The following RB1CC1 variants were observed in gnomAD, a reference collection of about 807,000 sequenced individuals.
RB1CC1 encodes RB1 inducible coiled-coil 1.
Under a neutral mutation model 177.5 loss-of-function variants are expected in RB1CC1, and 46 were observed. The observed-to-expected ratio is 0.26, with a 90% confidence interval of 0.20 to 0.33. The LOEUF (loss-of-function observed/expected upper bound fraction) is 0.33. RB1CC1 is among the 10% of genes least tolerant of loss of function. RB1CC1 has a pLI of 1.00. For missense variants in RB1CC1, 1,703 were observed against 1,816.3 expected, an observed-to-expected ratio of 0.94 and a Z score of 1.13; for synonymous variants, 666 against 613.6, an observed-to-expected ratio of 1.09 and a Z score of -1.26.
At chr8:52,713,771 C>G (rs1176070307) in intron 1 of RB1CC1, among the ~76,000 whole-genome samples, 1 of 152,254 alleles carries the variant, frequency 6.6e-6, no homozygotes, top group Non-Finnish European at 1.5e-5. Context: ...TCCCAAGGCT[C>G]CGGCCGAGGA....
At chr8:52,624,841 T>C (rs1848269284) in intron 22 of RB1CC1, 54 bp from the exon 23 acceptor site, 2 of 1,273,772 alleles carry the variant, frequency 1.6e-6, no homozygotes, top group Non-Finnish European at 2.1e-6. Context: ...TAATTATTCA[T>C]GGAAACATAA....
chr8:52,680,076 C>A (rs940260780), intron 5 of RB1CC1, among the ~76,000 whole-genome samples: 2 of 151,958 alleles, frequency 1.3e-5, no homozygotes, highest in Non-Finnish European at 2.9e-5. Context: ...AGGAATAATT[C>A]TATTCATTCA....
At chr8:52,695,955 A>C (rs912390176) in intron 1 of RB1CC1, among the ~76,000 whole-genome samples, 2 of 152,198 alleles carry the variant, frequency 1.3e-5, no homozygotes, top group African/African-American at 4.8e-5. Context: ...GGCACCGCCA[A>C]ACTTGCCACT....
intron 1 of RB1CC1, among the ~76,000 whole-genome samples, chr8:52,703,406 T>G (rs940180921): frequency 6.6e-6 from 1 of 152,190 alleles, no homozygotes; most frequent in African/African-American, 2.4e-5. Context: ...TAACTTCTAC[T>G]CAAGTATAAA....
intron 8 of RB1CC1, among the ~76,000 whole-genome samples, chr8:52,665,060 A>C (rs1444450726): frequency 1.3e-5 from 2 of 152,174 alleles, no homozygotes; most frequent in East Asian, 3.8e-4. Context: ...CAATCTGAGA[A>C]ACAGTTATAA....
intron 8 of RB1CC1, 116 bp downstream of exon 8, chr8:52,667,904 TA>T: frequency 3.0e-6 from 3 of 1,007,812 alleles, no homozygotes; most frequent in Non-Finnish European, 4.2e-6. Context: ...ATTAATACAT[TA>T]AAAATATTCA....
Position 52,657,580 on chromosome 8 carries a change from G to T in RB1CC1, c.2249C>A (p.Pro750His). Reference sequence around the variant, plus strand: ...TTCTGGGCTTTGTGGATCACTTATAGGATTAGGAGACGACAAATTTTCTTC... The same window carrying T: ...TTCTGGGCTTTGTGGATCACTTATATGATTAGGAGACGACAAATTTTCTTC... The part of the protein sequence containing the change: ...VIEENLSSPN[P>H]ISDPQSPEMM... Residue 750 changes from proline (P) to histidine (H), a missense_variant, in exon 15 of 24, where the codon CCT becomes CAT. Physicochemically the swap from Pro to His is moderately conservative, Grantham distance 77. Transcript: ENST00000025008. 4 of 1,614,006 alleles carry T rather than the reference G, an allele frequency of 2.5e-6. No homozygotes were observed. The highest frequency in any genetic ancestry group is 3.4e-6 in the Non-Finnish European group (4 of 1,180,016).
intron 1 of RB1CC1, among the ~76,000 whole-genome samples, chr8:52,713,186 G>A (rs1857199178): frequency 1.3e-5 from 2 of 152,170 alleles, no homozygotes; most frequent in Non-Finnish European, 2.9e-5. Context: ...ATTCCCATCT[G>A]GCTGAATGTC....
chr8:52,663,339 G>A (rs973724491), intron 8 of RB1CC1, among the ~76,000 whole-genome samples: 2 of 151,534 alleles, frequency 1.3e-5, no homozygotes, highest in East Asian at 1.9e-4. Context: ...CAGCTTCATA[G>A]GTTTGGTGAG....
intron 9 of RB1CC1, 113 bp from the exon 10 acceptor site, chr8:52,661,394 C>T (rs888707373): frequency 4.8e-6 from 7 of 1,465,966 alleles, no homozygotes; most frequent in Non-Finnish European, 5.5e-6. Flanking sequence ...TATATAAGCT[C>T]TACAAAAATA....
chr8:52,643,851 T>A (rs1436806936), intron 16 of RB1CC1, among the ~76,000 whole-genome samples: 1 of 152,020 alleles, frequency 6.6e-6, no homozygotes, highest in Non-Finnish European at 1.5e-5. Flanking sequence ...GGTCCTTGGA[T>A]CAATGAATAA....
At chr8:52,629,388 G>A (rs1391435659) in intron 21 of RB1CC1, among the ~76,000 whole-genome samples, 1 of 152,008 alleles carries the variant, frequency 6.6e-6, no homozygotes, top group African/African-American at 2.4e-5. Context: ...TTAACTATGG[G>A]GTAATACAGT....
intron 1 of RB1CC1, among the ~76,000 whole-genome samples, chr8:52,713,405 G>T (rs1563489355): frequency 1.3e-5 from 2 of 152,230 alleles, no homozygotes; most frequent in African/African-American, 4.8e-5. Context: ...TTCTACTGTT[G>T]GTTAATGTAT....
chr8:52,707,949 T>TG (rs1311994370), intron 1 of RB1CC1, among the ~76,000 whole-genome samples: 1 of 152,176 alleles, frequency 6.6e-6, no homozygotes, highest in Non-Finnish European at 1.5e-5. Flanking sequence ...ATCTATAAAT[T>TG]GCAACGATAC....
At chr8:52,705,716 GCTA>G (rs1856483755) in intron 1 of RB1CC1, among the ~76,000 whole-genome samples, 1 of 152,082 alleles carries the variant, frequency 6.6e-6, no homozygotes, top group Non-Finnish European at 1.5e-5. Context: ...TATAGTCCTA[GCTA>G]CTCAGAAGGT....
At chr8:52,710,114 G>A (rs1361680498) in intron 1 of RB1CC1, among the ~76,000 whole-genome samples, 1 of 152,226 alleles carries the variant, frequency 6.6e-6, no homozygotes, top group Non-Finnish European at 1.5e-5. Context: ...CACAAACGGA[G>A]TGTCTAGGTT....
Position 52,706,498 on chromosome 8 carries a change from C to T in RB1CC1, c.-167+7577G>A, listed in dbSNP as rs879729243. 9.2e-4 allele frequency among the ~76,000 whole-genome samples: 140 copies of T among 151,426 alleles called. 1 individual carries two copies. Among genetic ancestry groups the T allele is most frequent in the Non-Finnish European group, 1.6e-3 (110 of 67,896 alleles). On this transcript the variant is annotated intron_variant, in intron 1 of 23. Transcript: ENST00000025008. ...TTCAAGAGATTCTCCTTTGGGAGGCCGAGGCAGGCGGATCATGAGGTCAGG... is the reference window on the plus strand; with the variant it reads ...TTCAAGAGATTCTCCTTTGGGAGGCTGAGGCAGGCGGATCATGAGGTCAGG...
chr8:52,666,623 C>T (rs1431908268), intron 8 of RB1CC1, among the ~76,000 whole-genome samples: 1 of 151,884 alleles, frequency 6.6e-6, no homozygotes, highest in Non-Finnish European at 1.5e-5. Context: ...CTGCTATGTG[C>T]TTAATGTGAT....
intron 13 of RB1CC1, among the ~76,000 whole-genome samples, chr8:52,658,598 AAAAGT>A (rs1851305098): frequency 6.6e-6 from 1 of 151,528 alleles, no homozygotes; most frequent in Admixed American, 6.6e-5. Context: ...AAAAAAAAAA[AAAAGT>A]AAAAAGTCAG....
Sources: allele counts gnomAD v4.1 joint callset (sites outside exome capture counted in the v4.1 genomes callset), GRCh38; gene constraint gnomAD v4.1.1; transcripts MANE v1.5; gene names NCBI Gene and HGNC (gene_info 2026-07-23, HGNC 2026-07-21).